Variants in GALNS observed in about 807,000 individuals in gnomAD.
GALNS encodes the protein N-acetylgalactosamine-6-sulfatase.
GALNS carries 65 observed loss-of-function variants against 65.9 expected under a neutral mutation model. That is an observed-to-expected ratio of 0.99 (90% CI 0.81 to 1.21). The LOEUF (loss-of-function observed/expected upper bound fraction) is 1.21. GALNS is among the 50% of genes most tolerant of loss of function. The pLI, the probability that GALNS is intolerant of heterozygous loss-of-function variation, is 0.00. For synonymous variants in GALNS, 346 were observed against 288.9 expected (o/e 1.20, Z -2.00); for missense variants, 776 against 700.7 (o/e 1.11, Z -1.21).
At chr16:88,837,989 G>GGGCGGCAGGCAT (rs1400845805) in intron 4 of GALNS, 3 of 554,170 alleles carry the variant, frequency 5.4e-6, no homozygotes, top group Non-Finnish European at 9.7e-6. Flanking sequence ...GCACAACCGA[G>GGGCGGCAGGCAT]GGCGGCAGGC....
Position 88,856,925 on chromosome 16 carries a change from A to G in GALNS, c.-48T>C, listed in dbSNP as rs1421114745. 4 of 1,481,010 alleles carry G rather than the reference A, an allele frequency of 2.7e-6. No individual in the cohort carries two copies. The highest frequency in any genetic ancestry group is 3.6e-6 in the Non-Finnish European group (4 of 1,124,118). 91.7% of individuals were successfully genotyped at this position (1,481,010 alleles called of 1,614,324 possible). ...CCCCGGCCAGCGAGCCGACCTAGCG[A>G]GCGTCCGCCGGCCCTTCCGGCTGGG... On this transcript the variant is annotated 5_prime_UTR_variant, in exon 1 of 14. Transcript: ENST00000268695.
chr16:88,837,280 G>C (rs1326628546), intron 5 of GALNS, among the ~76,000 whole-genome samples: 1 of 152,144 alleles, frequency 6.6e-6, no homozygotes, highest in Non-Finnish European at 1.5e-5. Context: ...TGGATGTCTG[G>C]AGCACAGCCG....
chr16:88,831,940 C>T, intron 9 of GALNS, 58 bp downstream of exon 9: 3 of 1,481,526 alleles, frequency 2.0e-6, no homozygotes, highest in Non-Finnish European at 2.8e-6. Context: ...GCGCACACAC[C>T]CTGGGATGGC....
rs184845441 is a variant in GALNS, at chr16:88,822,914, G to A, written c.1243-204C>T. The stretch of plus-strand genomic sequence containing the variant: ...CCTGGTACTCAGCATGGTGCAGGGC[G>A]CTGGCTAAACGCTGAAGGACTAGCG... On this transcript the variant is annotated intron_variant, in intron 11 of 13. Transcript: ENST00000268695. 9.8e-5 allele frequency among the ~76,000 whole-genome samples: 15 copies of A among 152,296 alleles called. No individual in the cohort carries two copies. The East Asian group carries it at 1.2e-3, about 12-fold the overall frequency.
At chr16:88,821,430 G>C (rs761343177) in intron 12 of GALNS, among the ~76,000 whole-genome samples, 11 of 152,364 alleles carry the variant, frequency 7.2e-5, no homozygotes, top group South Asian at 6.2e-4. Flanking sequence ...AGGCCAAGCT[G>C]GGAGGTGTGG....
intron 1 of GALNS, among the ~76,000 whole-genome samples, chr16:88,847,099 G>T (rs980961307): frequency 6.6e-6 from 1 of 152,170 alleles, no homozygotes; most frequent in Non-Finnish European, 1.5e-5. Context: ...AGCTCCACCC[G>T]CAGCTCTTAA....
chr16:88,827,384 C>A (rs988855129), intron 9 of GALNS, among the ~76,000 whole-genome samples: 6 of 152,234 alleles, frequency 3.9e-5, no homozygotes, highest in Admixed American at 6.5e-5. Context: ...GTGGGCACTG[C>A]TGACCAGCCA....
At chr16:88,856,108 G>A (rs1231343205) in intron 1 of GALNS, 2 of 696,478 alleles carry the variant, frequency 2.9e-6, no homozygotes, top group Non-Finnish European at 5.3e-6. Flanking sequence ...AAGGAGTTAG[G>A]GAAGGAGGCC....
At chr16:88,837,550 T>C in intron 5 of GALNS, 72 bp downstream of exon 5, 1 of 1,523,170 alleles carries the variant, frequency 6.6e-7, no homozygotes. Context: ...CCACCAGTGC[T>C]AGAGGCGGGG....
At chr16:88,836,316 G>C (rs1021891635) in intron 5 of GALNS, 49 bp from the exon 6 acceptor site, 2 of 1,460,362 alleles carry the variant, frequency 1.4e-6, no homozygotes, top group South Asian at 1.2e-5. Context: ...GGCCAAGAAA[G>C]TCCCGTTCTC....
rs1377013232 is a variant in GALNS, at chr16:88,813,977, C to G, written c.*462G>C. The G allele has an allele frequency of 4.1e-6, 1 of 242,710 alleles. No homozygotes were observed. Among genetic ancestry groups the G allele is most frequent in the Non-Finnish European group, 8.3e-6 (1 of 120,544 alleles). 15.0% of individuals were successfully genotyped at this position (242,710 alleles called of 1,614,324 possible). The stretch of plus-strand genomic sequence containing the variant: ...ACTGGGCCAGACTCAATCGTGTATT[C>G]AGTGGAAGGCTGACTGAACCAATGT... On this transcript the variant is annotated 3_prime_UTR_variant, in exon 14 of 14. Transcript: ENST00000268695.
At chr16:88,837,479 C>A in intron 5 of GALNS, 143 bp downstream of exon 5, 1 of 822,850 alleles carries the variant, frequency 1.2e-6, no homozygotes, top group South Asian at 1.6e-5. Flanking sequence ...GCCACCAAAC[C>A]AAAGCCCTCG....
intron 12 of GALNS, among the ~76,000 whole-genome samples, chr16:88,819,938 T>G (rs879497600): frequency 1.3e-5 from 2 of 152,052 alleles, no homozygotes. Context: ...ATGATCTGCC[T>G]GCCTCGGCCT....
chr16:88,846,396 A>T (rs1967243512), intron 1 of GALNS, among the ~76,000 whole-genome samples: 1 of 151,758 alleles, frequency 6.6e-6, no homozygotes, highest in Non-Finnish European at 1.5e-5. Context: ...GCTGGGGGCC[A>T]CCAGAAGCTG....
chr16:88,816,802 T>C (rs1909674626), intron 13 of GALNS: 6 of 985,418 alleles, frequency 6.1e-6, no homozygotes, highest in Non-Finnish European at 7.2e-6. Context: ...CAGCTGGGCC[T>C]TTTCGCCCGC....
chr16:88,854,034 G>C (rs562844554), intron 1 of GALNS, among the ~76,000 whole-genome samples: 1 of 152,206 alleles, frequency 6.6e-6, no homozygotes. Context: ...TTGCTTAGAC[G>C]AAAGGGGGGC....
chr16:88,830,587 C>T (rs112597973), intron 9 of GALNS, among the ~76,000 whole-genome samples: 2,196 of 152,346 alleles, frequency 0.014, 47 homozygotes, highest in African/African-American at 0.049. Context: ...CGGTCGTTTA[C>T]AAACACCAGA....
At chr16:88,839,293 G>A (rs1374413107) in intron 4 of GALNS, among the ~76,000 whole-genome samples, 5 of 149,440 alleles carry the variant, frequency 3.3e-5, no homozygotes, top group African/African-American at 5.0e-5. Context: ...GTGCGCCAAC[G>A]TCCGCAGGTC....
At position 88,855,494 on chromosome 16, in the gene GALNS, G is replaced by A. The variant is rs116080088; in HGVS notation, c.120+1264C>T. ...GCTGTCAGGACACGGACCCCTGGGC[G>A]CTGGAGAGCGTGCTCTGGAAAGCAG... is the stretch of plus-strand genomic sequence containing the variant. On this transcript the variant is annotated intron_variant, in intron 1 of 13. Transcript: ENST00000268695. 4.3e-3 allele frequency: 2,990 copies of A among 702,774 alleles called. 55 individuals are homozygous for A. In the African/African-American group the frequency reaches 0.044, roughly 10 times the overall value. 43.5% of individuals were successfully genotyped at this position (702,774 alleles called of 1,614,324 possible).
Sources: gnomAD v4.1 joint callset for allele counts (sites outside exome capture counted in the v4.1 genomes callset) on GRCh38, gnomAD v4.1.1 for gene constraint, MANE v1.5 for transcripts, NCBI Gene and HGNC (gene_info 2026-07-23, HGNC 2026-07-21) for gene names.